Variants in GLIS1 observed in about 807,000 individuals in gnomAD.
The protein encoded by GLIS1 is zinc finger protein GLIS1.
In GLIS1, 24 loss-of-function variants were observed where a neutral mutation model predicts 63.8. The ratio of observed to expected loss-of-function variants is 0.38; its 90% confidence interval spans 0.27 to 0.53. The LOEUF (loss-of-function observed/expected upper bound fraction) is 0.53, where lower values mean the gene tolerates loss of function less well. GLIS1 is among the 20% of genes least tolerant of loss of function. The probability of loss-of-function intolerance (pLI) is 0.85; values close to 1 mark genes in which losing one functional copy is unlikely to be tolerated. For missense variants in GLIS1, 1,036 were observed against 1,074.1 expected (o/e 0.96, Z 0.50); for synonymous variants, 450 against 482.5 (o/e 0.93, Z 0.88).
intron 2 of GLIS1, among the ~76,000 whole-genome samples, chr1:53,712,998 G>A (rs1031734785): frequency 2.0e-5 from 3 of 152,084 alleles, no homozygotes; most frequent in Admixed American, 6.5e-5. Flanking sequence ...AAGATGCAGA[G>A]GGAAAAAAGA....
chr1:53,681,215 T>C lies in GLIS1; in HGVS notation c.259+56591A>G, dbSNP rs12030851. Among the ~76,000 whole-genome samples the C allele has an allele frequency of 0.019, 2,901 of 152,360 alleles. 132 individuals are homozygous for C. The East Asian group carries it at 0.22, about 11-fold the overall frequency. ...GAGTTCGTGGCTGCGTGAAGACGCA[T>C]GCCCAGCTGTCAGTACCTAGGCTGG... On this transcript the variant is annotated intron_variant, in intron 2 of 10. Transcript: ENST00000628545.
chr1:53,605,451 G>A (rs1440301165), intron 2 of GLIS1, among the ~76,000 whole-genome samples: 1 of 152,192 alleles, frequency 6.6e-6, no homozygotes, highest in African/African-American at 2.4e-5. Flanking sequence ...CACTGCCTGA[G>A]CTCCCCGGCC....
intron 2 of GLIS1, among the ~76,000 whole-genome samples, chr1:53,674,748 G>GC (rs1367820859): frequency 6.6e-6 from 1 of 152,190 alleles, no homozygotes; most frequent in Non-Finnish European, 1.5e-5. Context: ...TGATCCAGAG[G>GC]CCCCTGGGAT....
At chr1:53,704,623 G>A (rs536681157) in intron 2 of GLIS1, among the ~76,000 whole-genome samples, 298 of 152,312 alleles carry the variant, frequency 2.0e-3, no homozygotes, top group Non-Finnish European at 3.4e-3. Context: ...CTTGAGGAGC[G>A]TAGTGCTGTG....
At chr1:53,638,231 G>A (rs538774145) in intron 2 of GLIS1, among the ~76,000 whole-genome samples, 1 of 152,172 alleles carries the variant, frequency 6.6e-6, no homozygotes, top group African/African-American at 2.4e-5. Flanking sequence ...GGAAAGGGAG[G>A]GTTCCTTGTT....
At chr1:53,569,777 G>C (rs922332916) in intron 4 of GLIS1, among the ~76,000 whole-genome samples, 1 of 151,708 alleles carries the variant, frequency 6.6e-6, no homozygotes. Context: ...TTTAAAAAGC[G>C]ATTTTATTTC....
intron 2 of GLIS1, among the ~76,000 whole-genome samples, chr1:53,707,280 C>T (rs1646589124): frequency 6.6e-6 from 1 of 152,180 alleles, no homozygotes; most frequent in Admixed American, 6.5e-5. Context: ...AGGCTGTTAT[C>T]TGTGACTTGT....
At chr1:53,585,097 T>C (rs1234638159) in intron 4 of GLIS1, among the ~76,000 whole-genome samples, 1 of 152,218 alleles carries the variant, frequency 6.6e-6, no homozygotes, top group Non-Finnish European at 1.5e-5. Context: ...TTAATTTTTT[T>C]TCATATTCCA....
intron 9 of GLIS1, 110 bp downstream of exon 9, chr1:53,509,739 C>A: frequency 1.5e-6 from 1 of 653,066 alleles, no homozygotes; most frequent in Admixed American, 4.3e-5. Context: ...CCCAGCCGGT[C>A]ATTCTCTGAG....
chr1:53,685,139 T>C (rs77323957), intron 2 of GLIS1, among the ~76,000 whole-genome samples: 1,709 of 152,006 alleles, frequency 0.011, 25 homozygotes, highest in African/African-American at 0.039. Flanking sequence ...AGCAAGCAGG[T>C]AAAGGTGAAA....
intron 2 of GLIS1, among the ~76,000 whole-genome samples, chr1:53,679,735 C>T (rs1388558282): frequency 6.6e-6 from 1 of 151,832 alleles, no homozygotes; most frequent in Non-Finnish European, 1.5e-5. Flanking sequence ...GCAATCACTC[C>T]TGCCTTCTGG....
intron 4 of GLIS1, among the ~76,000 whole-genome samples, chr1:53,566,844 G>A (rs1439323101): frequency 6.6e-6 from 1 of 152,170 alleles, no homozygotes; most frequent in Non-Finnish European, 1.5e-5. Flanking sequence ...TTCCTGTTAA[G>A]CCTGCAGAAC....
At chr1:53,558,512 G>C (rs940921531) in intron 4 of GLIS1, among the ~76,000 whole-genome samples, 2 of 152,120 alleles carry the variant, frequency 1.3e-5, no homozygotes, top group Admixed American at 6.5e-5. Flanking sequence ...TGAACATGAT[G>C]CGCCTTTGTT....
intron 2 of GLIS1, among the ~76,000 whole-genome samples, chr1:53,714,752 T>C (rs1646680685): frequency 6.6e-6 from 1 of 152,216 alleles, no homozygotes; most frequent in African/African-American, 2.4e-5. Flanking sequence ...GGACACCCAG[T>C]GTGACCATCA....
intron 2 of GLIS1, among the ~76,000 whole-genome samples, chr1:53,662,786 C>A (rs1208598669): frequency 1.3e-5 from 2 of 152,182 alleles, no homozygotes; most frequent in African/African-American, 2.4e-5. Flanking sequence ...CTCCCCCATC[C>A]AACCAGTCAC....
At chr1:53,624,884 C>CA (rs1645579648) in intron 2 of GLIS1, among the ~76,000 whole-genome samples, 1 of 152,078 alleles carries the variant, frequency 6.6e-6, no homozygotes, top group African/African-American at 2.4e-5. Flanking sequence ...TAAAAATGGA[C>CA]AAAAGACTTG....
At chr1:53,513,019 T>G (rs1469349270) in intron 8 of GLIS1, among the ~76,000 whole-genome samples, 1 of 152,148 alleles carries the variant, frequency 6.6e-6, no homozygotes, top group Admixed American at 6.5e-5. Flanking sequence ...AAGCAGCAGC[T>G]GAGGCTCAAG....
chr1:53,696,864 T>C (rs1024328036), intron 2 of GLIS1, among the ~76,000 whole-genome samples: 1 of 152,248 alleles, frequency 6.6e-6, no homozygotes, highest in African/African-American at 2.4e-5. Flanking sequence ...TGCAGAACTC[T>C]GTCTCTTAAA....
chr1:53,614,138 T>C (rs539847497), intron 2 of GLIS1, among the ~76,000 whole-genome samples: 7 of 152,320 alleles, frequency 4.6e-5, no homozygotes, highest in African/African-American at 1.7e-4. Context: ...AAAAATGCGG[T>C]GTTCCAGTGA....
Sources: allele counts gnomAD v4.1 joint callset (sites outside exome capture counted in the v4.1 genomes callset), GRCh38; gene constraint gnomAD v4.1.1; transcripts MANE v1.5; gene names NCBI Gene and HGNC (gene_info 2026-07-23, HGNC 2026-07-21).